Variants in KCNG2 observed in about 807,000 individuals in gnomAD.
KCNG2 encodes the protein voltage-gated potassium channel regulatory subunit KCNG2.
Under a neutral mutation model 12.3 loss-of-function variants are expected in KCNG2, and 7 were observed. The ratio of observed to expected loss-of-function variants is 0.57; its 90% CI spans 0.32 to 1.07. The LOEUF is 1.07. KCNG2 is among the 50% of genes least tolerant of loss of function. The pLI, the probability that KCNG2 is intolerant of heterozygous loss-of-function variation, is 0.04. For synonymous variants in KCNG2, 414 were observed against 351.4 expected (o/e 1.18, Z -1.99); for missense variants, 703 against 726.0 (o/e 0.97, Z 0.36).
chr18:79,850,877 C>A (rs7227642), intron 1 of KCNG2, among the ~76,000 whole-genome samples: 1 of 152,098 alleles, frequency 6.6e-6, no homozygotes, highest in Non-Finnish European at 1.5e-5. Flanking sequence ...AGGGCAGGCG[C>A]CGGACCAGGT....
chr18:79,854,484 C>T (rs182230909), intron 1 of KCNG2, among the ~76,000 whole-genome samples: 4 of 151,350 alleles, frequency 2.6e-5, no homozygotes, highest in East Asian at 1.9e-4. Flanking sequence ...TCCTGCCTTC[C>T]GTAAGGCTGG....
chr18:79,836,657 G>A (rs1056048014), intron 1 of KCNG2, among the ~76,000 whole-genome samples: 1 of 152,156 alleles, frequency 6.6e-6, no homozygotes, highest in African/African-American at 2.4e-5. Flanking sequence ...ATCATGGCGA[G>A]AGGTAAAGGA....
At chr18:79,867,108 T>A (rs1419192233) in intron 3 of KCNG2, among the ~76,000 whole-genome samples, 2 of 146,576 alleles carry the variant, frequency 1.4e-5, no homozygotes, top group African/African-American at 5.2e-5. Context: ...GAGGTCTGGG[T>A]GCTGAGAGGT....
At chr18:79,898,950 G>A (rs889140529) in intron 3 of KCNG2, 90 bp from the exon 4 acceptor site, 3 of 977,260 alleles carry the variant, frequency 3.1e-6, no homozygotes, top group Middle Eastern at 6.2e-4. Context: ...TGGCCTGGGG[G>A]ACGCCTCTGG....
intron 3 of KCNG2, among the ~76,000 whole-genome samples, chr18:79,888,037 C>T (rs1260527437): frequency 1.3e-5 from 2 of 152,332 alleles, no homozygotes; most frequent in Admixed American, 6.5e-5. Context: ...CCCTTTAAAA[C>T]GGTTCAGATG....
intron 1 of KCNG2, among the ~76,000 whole-genome samples, chr18:79,807,533 A>G (rs1265967799): frequency 6.6e-6 from 1 of 152,112 alleles, no homozygotes; most frequent in Admixed American, 6.5e-5. Context: ...ACTCCATTTT[A>G]CAGATGAGAA....
chr18:79,882,358 T>G (rs1311524291), intron 3 of KCNG2, among the ~76,000 whole-genome samples: 1 of 151,636 alleles, frequency 6.6e-6, no homozygotes, highest in Admixed American at 6.6e-5. Context: ...AAAAAAATTC[T>G]TTTGACTTTT....
chr18:79,857,387 C>G (rs910348064), intron 2 of KCNG2, among the ~76,000 whole-genome samples: 1 of 151,856 alleles, frequency 6.6e-6, no homozygotes, highest in Admixed American at 6.6e-5. Context: ...GCGACTTATG[C>G]AATTCTTCAC....
At chr18:79,856,698 TGCCAC>T (rs1979020554) in intron 2 of KCNG2, among the ~76,000 whole-genome samples, 1 of 152,102 alleles carries the variant, frequency 6.6e-6, no homozygotes, top group South Asian at 2.1e-4. Context: ...CGGGGCCGTC[TGCCAC>T]GCCACAAAGG....
At chr18:79,819,748 T>C (rs943862059) in intron 1 of KCNG2, among the ~76,000 whole-genome samples, 2 of 152,188 alleles carry the variant, frequency 1.3e-5, no homozygotes, top group Non-Finnish European at 2.9e-5. Context: ...AAGTGGACAG[T>C]TCAGTAGCAT....
intron 1 of KCNG2, among the ~76,000 whole-genome samples, chr18:79,801,074 C>A (rs948306628): frequency 6.6e-6 from 1 of 152,216 alleles, no homozygotes; most frequent in Non-Finnish European, 1.5e-5. Flanking sequence ...CAAGAGATGC[C>A]GGGCAGGGCT....
At chr18:79,857,512 C>T (rs1055570565) in intron 2 of KCNG2, among the ~76,000 whole-genome samples, 2 of 151,830 alleles carry the variant, frequency 1.3e-5, no homozygotes, top group African/African-American at 4.8e-5. Context: ...ATGAATCACA[C>T]GCTTGGGTCG....
chr18:79,863,006 C>T (rs971797546), intron 2 of KCNG2, among the ~76,000 whole-genome samples: 1 of 152,182 alleles, frequency 6.6e-6, no homozygotes, highest in Admixed American at 6.5e-5. Context: ...TAGTGCCCCA[C>T]GGTTGGTGCA....
In KCNG2 at chr18:79,803,440, G is replaced by A. The variant is rs1480844454; in HGVS notation, c.-115+5426G>A. On this transcript the variant is annotated intron_variant, in intron 1 of 3. Coordinates refer to ENST00000316249, the MANE Select transcript of KCNG2 (RefSeq NM_012283.2). The surrounding 1 kb of genome is among the most constrained non-coding windows in gnomAD (Gnocchi z 4.5). ...AAAGAAAAGACATCTTCTAGAAGAG[G>A]GAAGATAGGAAATATGTATCATTGG... Among the ~76,000 whole-genome samples the A allele has an allele frequency of 1.3e-5, 2 of 152,216 alleles. No individual in the cohort carries two copies. The highest frequency in any genetic ancestry group is 2.4e-5 in the African/African-American group (1 of 41,452).
intron 1 of KCNG2, among the ~76,000 whole-genome samples, chr18:79,809,944 G>A (rs1028116252): frequency 7.2e-5 from 11 of 152,230 alleles, no homozygotes; most frequent in African/African-American, 2.7e-4. Flanking sequence ...TTGTGGGGCT[G>A]GTGGGCGGAG....
chr18:79,890,857 T>C (rs1335569173), intron 3 of KCNG2, among the ~76,000 whole-genome samples: 1 of 152,246 alleles, frequency 6.6e-6, no homozygotes, highest in Non-Finnish European at 1.5e-5. Flanking sequence ...GCACGATTAT[T>C]CACAGTGCTG....
chr18:79,880,003 A>G (rs537623646), intron 3 of KCNG2, among the ~76,000 whole-genome samples: 1 of 152,330 alleles, frequency 6.6e-6, no homozygotes, highest in South Asian at 2.1e-4. Flanking sequence ...GTAGAGCACG[A>G]CTTGGCTCAG....
intron 2 of KCNG2, among the ~76,000 whole-genome samples, chr18:79,862,673 G>A (rs1485888547): frequency 6.6e-6 from 1 of 152,062 alleles, no homozygotes; most frequent in Non-Finnish European, 1.5e-5. Context: ...CCAGCCTTTC[G>A]TCCCCAGCTT....
chr18:79,809,941 G>T (rs2122993572), intron 1 of KCNG2, among the ~76,000 whole-genome samples: 1 of 152,362 alleles, frequency 6.6e-6, no homozygotes, highest in Non-Finnish European at 1.5e-5. Context: ...GGGTTGTGGG[G>T]CTGGTGGGCG....
Sources: allele counts gnomAD v4.1 joint callset (sites outside exome capture counted in the v4.1 genomes callset), GRCh38; gene constraint gnomAD v4.1.1; non-coding constraint Gnocchi (gnomAD v3.1); transcripts MANE v1.5; gene names NCBI Gene and HGNC (gene_info 2026-07-23, HGNC 2026-07-21).